Variants in VAX1 observed in about 807,000 individuals in gnomAD.
The protein encoded by VAX1 is ventral anterior homeobox 1.
A neutral mutation model predicts 17.6 loss-of-function variants in VAX1; 6 were observed. The ratio of observed to expected loss-of-function variants is 0.34; its 90% CI spans 0.19 to 0.67. The LOEUF (loss-of-function observed/expected upper bound fraction) is 0.67, where lower values mean the gene tolerates loss of function less well. VAX1 is among the 30% of genes least tolerant of loss of function. The probability of loss-of-function intolerance (pLI) is 0.69; values close to 1 mark genes in which losing one functional copy is unlikely to be tolerated. For missense variants in VAX1, 408 were observed against 463.7 expected (o/e 0.88, Z 1.10); for synonymous variants, 256 against 227.4 (o/e 1.13, Z -1.13).
chr10:117,136,718 C>A lies in VAX1; in HGVS notation c.242-59G>T. 6.4e-7 allele frequency: 1 copy of A among 1,553,578 alleles called. No individual in the cohort carries two copies. The highest frequency in any genetic ancestry group is 8.7e-7 in the Non-Finnish European group (1 of 1,146,714). ...TCCCGTCCCCCTCCACCTCCTTGGCCCGAGCTGGATTTGGGGACACAGTCC... is the reference window on the plus strand; with the variant it reads ...TCCCGTCCCCCTCCACCTCCTTGGCACGAGCTGGATTTGGGGACACAGTCC... On this transcript the variant is annotated intron_variant, in intron 1 of 2. Transcript: ENST00000369206. This position sits in a 1 kb window ranked among gnomAD's most constrained non-coding sequence, Gnocchi z 5.0.
chr10:117,137,629 C>A lies in VAX1; in HGVS notation c.241+187G>T, dbSNP rs1854205428. Among the ~76,000 whole-genome samples the A allele has an allele frequency of 6.6e-6, 1 of 152,196 alleles. No individual in the cohort carries two copies. The highest frequency in any genetic ancestry group is 1.5e-5 in the Non-Finnish European group (1 of 68,040). ...CCCTCCGGGCGTGGAGGGCCGAGGC[C>A]CCTGGAGAGCGCACCGGAGAGTCCC... On this transcript the variant is annotated intron_variant, in intron 1 of 2. Transcript: ENST00000369206. This position sits in a 1 kb window ranked among gnomAD's most constrained non-coding sequence, Gnocchi z 7.4.
chr10:117,134,604 A>G lies in VAX1; in HGVS notation c.430-21T>C. ...TTCACCTGCGCGCCGGGGTGCGGGG[A>G]GAGTTGGAGAGAGGGGCAGGGAAGA... On this transcript the variant is annotated intron_variant, in intron 2 of 2. Coordinates refer to ENST00000369206, the MANE Select transcript of VAX1 (RefSeq NM_001112704.2). This position sits in a 1 kb window ranked among gnomAD's most constrained non-coding sequence, Gnocchi z 6.2. 1 of 1,504,868 alleles carries G rather than the reference A, an allele frequency of 6.6e-7. No individual in the cohort carries two copies. The allele number at this position is 1,504,868 out of a possible 1,614,324, so 93.2% of individuals were successfully genotyped here.
chr10:117,137,891 C>A lies in VAX1; in HGVS notation c.166G>T (p.Ala56Ser), dbSNP rs754203695. The change falls in exon 1 of 3, where the codon GCT (alanine) becomes TCT (serine). Residue 56 changes from alanine (A) to serine (S), a missense_variant. Physicochemically the swap from Ala to Ser is moderately conservative, Grantham distance 99. This residue lies in a region of VAX1 where 133 missense variants were observed against 112.0 expected (regional missense o/e 1.19). Coordinates refer to ENST00000369206, the MANE Select transcript of VAX1 (RefSeq NM_001112704.2). This position sits in a 1 kb window ranked among gnomAD's most constrained non-coding sequence, Gnocchi z 7.4. ...EPQGAFSASG[A>S]AEDCNKSKSN... is the part of the protein sequence containing the mutation. Reference sequence around the variant, plus strand: ...TTACTTTTGTTACAATCCTCAGCAGCGCCCGACGCTGAGAAGGCGCCCTGC... The same window carrying A: ...TTACTTTTGTTACAATCCTCAGCAGAGCCCGACGCTGAGAAGGCGCCCTGC... 6.2e-7 allele frequency: 1 copy of A among 1,613,838 alleles called. No individual in the cohort carries two copies. The highest frequency in any genetic ancestry group is 1.3e-5 in the African/African-American group (1 of 75,038).
In VAX1 at chr10:117,138,107, AAAAGG is replaced by A. The variant is rs1166682152; in HGVS notation, c.-56_-52del. ...AAGGAAAAAAAAAGCAAAAAAAAAA[AAAAGG>A]GGGGGGGGCGGAGAAGGAAAAAAAA... is the stretch of plus-strand genomic sequence containing the variant. On this transcript the variant is annotated 5_prime_UTR_variant, in exon 1 of 3. Transcript: ENST00000369206. The A allele has an allele frequency of 1.7e-5, 4 of 230,244 alleles. No individual in the cohort carries two copies. The highest frequency in any genetic ancestry group is 3.1e-5 in the Non-Finnish European group (4 of 129,936). 14.3% of individuals were successfully genotyped at this position (230,244 alleles called of 1,614,324 possible). A position where few individuals can be genotyped will look rare whatever the true frequency, so the allele number is the denominator to read the frequency against.
Position 117,137,698 on chromosome 10 carries a change from A to G in VAX1, c.241+118T>C, listed in dbSNP as rs1854206859. 3 of 1,579,856 alleles carry G rather than the reference A, an allele frequency of 1.9e-6. No homozygotes were observed. The highest frequency in any genetic ancestry group is 2.3e-5 in the East Asian group (1 of 44,306). On this transcript the variant is annotated intron_variant, in intron 1 of 2. Transcript: ENST00000369206. The surrounding 1 kb of genome is among the most constrained non-coding windows in gnomAD (Gnocchi z 7.4). ...GGACTCGGGGCGGGGAGGGCCAACA[A>G]CTTTCTCCCAAGTCCCAGCCGGCAC... is the stretch of plus-strand genomic sequence containing the variant.
At chr10:117,130,868 C>T (rs1279914463), downstream of VAX1, 1 of 152,542 alleles carries the variant, frequency 6.6e-6, no homozygotes, top group South Asian at 2.1e-4. Flanking sequence ...CTTGTCCTTC[C>T]CTCTTTCAGG....
At chr10:117,132,075 T>C (rs1589945076), downstream of VAX1, 1 of 875,014 alleles carries the variant, frequency 1.1e-6, no homozygotes, top group African/African-American at 1.7e-5. The surrounding 1 kb of genome is among the most constrained non-coding windows in gnomAD (Gnocchi z 4.9). Flanking sequence ...GAGGGACAGA[T>C]AGAGAAATCG....
At chr10:117,132,841 T>TGCCTCCCC (rs1854108723), downstream of VAX1, among the ~76,000 whole-genome samples, 2 of 152,166 alleles carry the variant, frequency 1.3e-5, no homozygotes, top group South Asian at 4.1e-4. The surrounding 1 kb of genome is among the most constrained non-coding windows in gnomAD (Gnocchi z 4.9). Flanking sequence ...GCGGCGTCCC[T>TGCCTCCCC]GCCTCCCCTT....
In VAX1 at chr10:117,134,659, C is replaced by A; in HGVS notation, c.430-76G>T. 1.4e-6 allele frequency: 2 copies of A among 1,382,620 alleles called. No individual in the cohort carries two copies. The highest frequency in any genetic ancestry group is 6.1e-5 in the East Asian group (2 of 32,922). The allele number at this position is 1,382,620 out of a possible 1,614,324, so 85.6% of individuals were successfully genotyped here. A position where few individuals can be genotyped will look rare whatever the true frequency, so the allele number is the denominator to read the frequency against. ...CGTCAAAGGAAGCGAGCTCCCGGGGCGCGCGGCTCCGGGGCTCTCCCCAAG... is the reference window on the plus strand; with the variant it reads ...CGTCAAAGGAAGCGAGCTCCCGGGGAGCGCGGCTCCGGGGCTCTCCCCAAG... On this transcript the variant is annotated intron_variant, in intron 2 of 2. Transcript: ENST00000369206. This position sits in a 1 kb window ranked among gnomAD's most constrained non-coding sequence, Gnocchi z 6.2.
downstream of VAX1, chr10:117,132,039 G>A (rs748647935): frequency 3.3e-5 from 20 of 612,140 alleles, no homozygotes; most frequent in Admixed American, 1.3e-4. This position sits in a 1 kb window ranked among gnomAD's most constrained non-coding sequence, Gnocchi z 4.9. Flanking sequence ...GGAAATTAAG[G>A]AGGAGGGTCT....
chr10:117,134,598 G>A lies in VAX1; in HGVS notation c.430-15C>T. On this transcript the variant is annotated splice_polypyrimidine_tract_variant and intron_variant, in intron 2 of 2. Coordinates refer to ENST00000369206, the MANE Select transcript of VAX1 (RefSeq NM_001112704.2). The surrounding 1 kb of genome is among the most constrained non-coding windows in gnomAD (Gnocchi z 6.2). ...CAGACCTTCACCTGCGCGCCGGGGT[G>A]CGGGGAGAGTTGGAGAGAGGGGCAG... 1 of 1,514,170 alleles carries A rather than the reference G, an allele frequency of 6.6e-7. No homozygotes were observed. Among genetic ancestry groups the A allele is most frequent in the Non-Finnish European group, 8.8e-7 (1 of 1,132,964 alleles). The allele number at this position is 1,514,170 out of a possible 1,614,324, so 93.8% of individuals were successfully genotyped here.
At chr10:117,129,684 T>C, downstream of VAX1, 1 of 123,264 alleles carries the variant, frequency 8.1e-6, no homozygotes. Context: ...GTGTAAATCA[T>C]CAACTTGTAT....
Position 117,136,447 on chromosome 10 carries a change from T to C in VAX1, c.429+25A>G. ...GTGGGGAGGAAGGCTGGTGCAGAAC[T>C]GTGTGCGGCCTGGTCGCCGGGTACC... On this transcript the variant is annotated intron_variant, in intron 2 of 2. Transcript: ENST00000369206. The surrounding 1 kb of genome is among the most constrained non-coding windows in gnomAD (Gnocchi z 5.0). 6.2e-7 allele frequency: 1 copy of C among 1,611,166 alleles called. No individual in the cohort carries two copies. The highest frequency in any genetic ancestry group is 8.5e-7 in the Non-Finnish European group (1 of 1,179,686).
In VAX1 at chr10:117,133,592, T is replaced by C. The variant is rs1854120476; in HGVS notation, c.*416A>G. ...AAGCCCCTGGGGTCTGCGCGCAGTT[T>C]TCCTCTTTCAAATATTCCTAGGAAT... is the stretch of plus-strand genomic sequence containing the variant. On this transcript the variant is annotated 3_prime_UTR_variant, in exon 3 of 3. Coordinates refer to ENST00000369206, the MANE Select transcript of VAX1 (RefSeq NM_001112704.2). 1.0e-6 allele frequency: 1 copy of C among 988,020 alleles called. No individual in the cohort carries two copies. The highest frequency in any genetic ancestry group is 1.7e-5 in the African/African-American group (1 of 57,422). 61.2% of individuals were successfully genotyped at this position (988,020 alleles called of 1,614,324 possible).
chr10:117,135,465 C>T (rs181953378), intron 2 of VAX1, among the ~76,000 whole-genome samples: 213 of 152,310 alleles, frequency 1.4e-3, no homozygotes, highest in African/African-American at 5.0e-3. Context: ...TAGGCAAAGA[C>T]TATCCTATCT....
downstream of VAX1, chr10:117,132,417 A>G (rs201497315): frequency 7.4e-6 from 12 of 1,612,852 alleles, no homozygotes; most frequent in African/African-American, 8.0e-5. The surrounding 1 kb of genome is among the most constrained non-coding windows in gnomAD (Gnocchi z 4.9). Flanking sequence ...CAAAGTTAGT[A>G]GCCTGGATTC....
rs1854121156 is a variant in VAX1, at chr10:117,133,628, G to C, written c.*380C>G. 1.0e-6 allele frequency: 1 copy of C among 995,542 alleles called. No homozygotes were observed. The highest frequency in any genetic ancestry group is 1.2e-6 in the Non-Finnish European group (1 of 837,004). The allele number at this position is 995,542 out of a possible 1,614,324, so 61.7% of individuals were successfully genotyped here. ...AATATTCCTAGGAATAGTCGGCAGC[G>C]GCAGCAGCCGCAGCAGCCGCGGATC... On this transcript the variant is annotated 3_prime_UTR_variant, in exon 3 of 3. Coordinates refer to ENST00000369206, the MANE Select transcript of VAX1 (RefSeq NM_001112704.2).
In VAX1 at chr10:117,137,005, C is replaced by T. The variant is rs927874740; in HGVS notation, c.242-346G>A. Reference sequence around the variant, plus strand: ...CCCTGTAGCCTGAGGGTACCCTTGTCGCCCCGCCCGGGTCCTGCGGGCCCC... The same window carrying T: ...CCCTGTAGCCTGAGGGTACCCTTGTTGCCCCGCCCGGGTCCTGCGGGCCCC... On this transcript the variant is annotated intron_variant, in intron 1 of 2. Transcript: ENST00000369206. This position sits in a 1 kb window ranked among gnomAD's most constrained non-coding sequence, Gnocchi z 7.4. Among the ~76,000 whole-genome samples, 2 of 152,090 alleles carry T rather than the reference C, an allele frequency of 1.3e-5. No homozygotes were observed. Among genetic ancestry groups the T allele is most frequent in the African/African-American group, 2.4e-5 (1 of 41,436 alleles).
intron 2 of VAX1, among the ~76,000 whole-genome samples, chr10:117,135,974 G>C (rs978273781): frequency 1.6e-4 from 25 of 152,352 alleles, no homozygotes; most frequent in African/African-American, 4.8e-4. Flanking sequence ...CCAGGAGGGC[G>C]TACACCTAAT....
Sources: allele counts gnomAD v4.1 joint callset (sites outside exome capture counted in the v4.1 genomes callset), GRCh38; gene constraint gnomAD v4.1.1; regional missense constraint gnomAD v4.1.1; non-coding constraint Gnocchi (gnomAD v3.1); transcripts MANE v1.5; gene names NCBI Gene and HGNC (gene_info 2026-07-23, HGNC 2026-07-21).